The following GFRA2 variants were observed in gnomAD, a reference collection of about 807,000 sequenced individuals.
The protein encoded by GFRA2 is GDNF family receptor alpha-2.
In GFRA2, 17 loss-of-function variants were observed where a neutral mutation model predicts 48.3. The ratio of observed to expected loss-of-function variants is 0.35; its 90% CI spans 0.24 to 0.53. GFRA2 has a LOEUF of 0.53. GFRA2 is among the 20% of genes least tolerant of loss of function. GFRA2 has a pLI of 0.93. For missense variants in GFRA2, 660 were observed against 637.3 expected (o/e 1.04, Z -0.38); for synonymous variants, 305 against 257.2 (o/e 1.19, Z -1.78).
intron 1 of GFRA2, among the ~76,000 whole-genome samples, chr8:21,809,438 C>A (rs1807935706): frequency 6.6e-6 from 1 of 152,178 alleles, no homozygotes. Context: ...CATTCTCCTG[C>A]CTCAGCCTCC....
At chr8:21,809,509 A>G (rs1807937523) in intron 1 of GFRA2, among the ~76,000 whole-genome samples, 1 of 151,610 alleles carries the variant, frequency 6.6e-6, no homozygotes, top group Non-Finnish European at 1.5e-5. Flanking sequence ...TTGTATTTTT[A>G]GTAGAAAAGG....
intron 3 of GFRA2, among the ~76,000 whole-genome samples, chr8:21,760,000 C>G: frequency 6.6e-6 from 1 of 151,506 alleles, no homozygotes; most frequent in Middle Eastern, 3.2e-3. Flanking sequence ...GGACCACACA[C>G]ACAAAAACAA....
At chr8:21,795,968 C>G (rs369418543) in intron 2 of GFRA2, among the ~76,000 whole-genome samples, 3 of 152,216 alleles carry the variant, frequency 2.0e-5, no homozygotes, top group Admixed American at 6.5e-5. Flanking sequence ...GGCTGTTTCT[C>G]TGAATTCCTG....
chr8:21,774,893 T>C (rs963012159), intron 3 of GFRA2, 79 bp downstream of exon 3: 22 of 789,046 alleles, frequency 2.8e-5, no homozygotes, highest in Middle Eastern at 2.3e-4. Context: ...CCAGGATGCC[T>C]GTCCAAGCCC....
intron 4 of GFRA2, among the ~76,000 whole-genome samples, chr8:21,716,651 T>C (rs13273104): frequency 0.018 from 2,725 of 152,294 alleles, 38 homozygotes; most frequent in Middle Eastern, 0.051. Flanking sequence ...AGGGGACTTA[T>C]CATGCCACAG....
intron 3 of GFRA2, among the ~76,000 whole-genome samples, chr8:21,764,758 G>A (rs868616387): frequency 8.5e-5 from 13 of 152,274 alleles, no homozygotes; most frequent in Middle Eastern, 3.4e-3. Context: ...TTCCCAACAG[G>A]TACAAATGTG....
At chr8:21,753,320 T>C (rs192809495) in intron 3 of GFRA2, among the ~76,000 whole-genome samples, 269 of 152,206 alleles carry the variant, frequency 1.8e-3, no homozygotes, top group Non-Finnish European at 3.4e-3. Context: ...AGAAAAAAAT[T>C]ATGTAGGCTG....
At chr8:21,701,278 C>T (rs1326337110) in intron 7 of GFRA2, among the ~76,000 whole-genome samples, 1 of 152,160 alleles carries the variant, frequency 6.6e-6, no homozygotes, top group Non-Finnish European at 1.5e-5. Context: ...CCTGTAGTCC[C>T]AGCTACTCGG....
At chr8:21,744,756 C>T (rs1335278561) in intron 4 of GFRA2, among the ~76,000 whole-genome samples, 1 of 152,156 alleles carries the variant, frequency 6.6e-6, no homozygotes, top group Non-Finnish European at 1.5e-5. Context: ...TATCAGAAGG[C>T]TTTTAAAGGA....
chr8:21,705,193 CA>C, intron 5 of GFRA2, 68 bp from the exon 6 acceptor site: 1 of 1,506,768 alleles, frequency 6.6e-7, no homozygotes, highest in Non-Finnish European at 8.9e-7. Flanking sequence ...GCCCACAGAC[CA>C]ACCCCAGGCA....
intron 2 of GFRA2, among the ~76,000 whole-genome samples, chr8:21,796,014 T>C (rs2117107328): frequency 6.6e-6 from 1 of 152,348 alleles, no homozygotes; most frequent in East Asian, 1.9e-4. Flanking sequence ...GAGAAAACTG[T>C]GAAACCTCAT....
chr8:21,748,183 T>C (rs552912901), intron 4 of GFRA2, among the ~76,000 whole-genome samples: 8 of 152,224 alleles, frequency 5.3e-5, no homozygotes, highest in African/African-American at 1.9e-4. Context: ...CCAGCCTCAT[T>C]ACTGAGGTCG....
chr8:21,750,993 A>G lies in GFRA2; in HGVS notation c.440-51T>C, dbSNP rs1452069546. 8.2e-7 allele frequency: 1 copy of G among 1,214,608 alleles called. No homozygotes were observed. The highest frequency in any genetic ancestry group is 1.2e-6 in the Non-Finnish European group (1 of 844,548). The allele number at this position is 1,214,608 out of a possible 1,614,324, so 75.2% of individuals were successfully genotyped here. On this transcript the variant is annotated intron_variant, in intron 3 of 8. Transcript: ENST00000524240. The surrounding 1 kb of genome is among the most constrained non-coding windows in gnomAD (Gnocchi z 5.7). The stretch of plus-strand genomic sequence containing the variant: ...CAGAGGCCACACAAGCATGAGGAGG[A>G]CACAGCTGCCCCCTCACTGGAAGAT...
chr8:21,706,165 G>A, intron 4 of GFRA2, 124 bp from the exon 5 acceptor site: 1 of 664,068 alleles, frequency 1.5e-6, no homozygotes, highest in Admixed American at 2.4e-5. Context: ...GCCAGGAAGA[G>A]GGAGGGGAGG....
chr8:21,700,704 C>T (rs533486341), intron 7 of GFRA2, among the ~76,000 whole-genome samples: 16 of 152,256 alleles, frequency 1.1e-4, no homozygotes, highest in African/African-American at 3.9e-4. Flanking sequence ...AACTGGCTAC[C>T]ATCTCTGGGG....
intron 3 of GFRA2, among the ~76,000 whole-genome samples, chr8:21,759,472 G>A (rs146693444): frequency 0.32 from 33,761 of 106,948 alleles, 5,906 homozygotes; most frequent in African/African-American, 0.4. Context: ...GAGGGAGGGA[G>A]GGAAAGAAGG....
intron 8 of GFRA2, among the ~76,000 whole-genome samples, chr8:21,693,957 G>A (rs1459091937): frequency 1.3e-5 from 2 of 149,140 alleles, no homozygotes; most frequent in South Asian, 2.1e-4. Context: ...TCTCATCTAA[G>A]TTACTGTCTT....
At chr8:21,734,767 C>G (rs1804366779) in intron 4 of GFRA2, among the ~76,000 whole-genome samples, 1 of 152,242 alleles carries the variant, frequency 6.6e-6, no homozygotes, top group Admixed American at 6.5e-5. Flanking sequence ...ACTTCAGCTT[C>G]TTTCGTCTAT....
At chr8:21,693,540 C>A in intron 8 of GFRA2, 140 bp from the exon 9 acceptor site, 1 of 730,576 alleles carries the variant, frequency 1.4e-6, no homozygotes, top group Non-Finnish European at 2.2e-6. Flanking sequence ...CCCACAGGGA[C>A]CCTCCTTTGC....
Sources: allele counts gnomAD v4.1 joint callset (sites outside exome capture counted in the v4.1 genomes callset), GRCh38; gene constraint gnomAD v4.1.1; non-coding constraint Gnocchi (gnomAD v3.1); transcripts MANE v1.5; gene names NCBI Gene and HGNC (gene_info 2026-07-23, HGNC 2026-07-21).